ESRRG: variants seen among roughly 807,000 people sequenced by gnomAD.
The protein encoded by ESRRG is estrogen-related receptor gamma.
Under a neutral mutation model 44.0 loss-of-function variants are expected in ESRRG, and 13 were observed. The observed-to-expected ratio is 0.30, with a 90% confidence interval of 0.19 to 0.47. The LOEUF is 0.47. Among genes scored for constraint, ESRRG ranks in the 20% least tolerant of loss-of-function variants. ESRRG has a pLI of 1.00. For missense variants in ESRRG, 395 were observed against 580.6 expected (o/e 0.68, Z 3.29); for synonymous variants, 215 against 214.6 (o/e 1.00, Z -0.02).
intron 1 of ESRRG, among the ~76,000 whole-genome samples, chr1:217,028,046 A>C (rs1376102944): frequency 2.0e-5 from 3 of 152,162 alleles, no homozygotes; most frequent in Non-Finnish European, 4.4e-5. Flanking sequence ...ACAAAAACTC[A>C]AGTGGCGCAC....
intron 1 of ESRRG, among the ~76,000 whole-genome samples, chr1:217,114,418 T>C (rs1000183363): frequency 4.6e-5 from 7 of 152,002 alleles, no homozygotes; most frequent in Non-Finnish European, 7.4e-5. Flanking sequence ...AAAATTAGTT[T>C]TCCCAGATCA....
chr1:216,733,186 G>A (rs1575886851), intron 2 of ESRRG, among the ~76,000 whole-genome samples: 1 of 151,044 alleles, frequency 6.6e-6, no homozygotes, highest in African/African-American at 2.4e-5. Flanking sequence ...TCAAACATTC[G>A]TGTTTTCTTC....
intron 3 of ESRRG, among the ~76,000 whole-genome samples, chr1:216,618,413 T>G (rs1041639055): frequency 1.3e-5 from 2 of 152,184 alleles, no homozygotes; most frequent in Non-Finnish European, 2.9e-5. Context: ...ACTAGGTAGG[T>G]TATACAGGAA....
At chr1:216,793,216 G>A (rs72739424) in intron 2 of ESRRG, among the ~76,000 whole-genome samples, 2,368 of 152,262 alleles carry the variant, frequency 0.016, 23 homozygotes, top group Non-Finnish European at 0.026. Flanking sequence ...TTGGATGGAT[G>A]ACTGGGGTAG....
chr1:216,982,938 A>G (rs2074213639), intron 1 of ESRRG, among the ~76,000 whole-genome samples: 1 of 152,086 alleles, frequency 6.6e-6, no homozygotes, highest in African/African-American at 2.4e-5. Context: ...TCAGATAATT[A>G]TATCTATGAG....
chr1:216,512,952 G>A (rs1183254787), intron 6 of ESRRG, among the ~76,000 whole-genome samples: 1 of 152,146 alleles, frequency 6.6e-6, no homozygotes, highest in African/African-American at 2.4e-5. Flanking sequence ...AAGGAATTCA[G>A]GCCCAGGAGC....
At chr1:216,553,566 T>C (rs558410263) in intron 5 of ESRRG, among the ~76,000 whole-genome samples, 1 of 152,310 alleles carries the variant, frequency 6.6e-6, no homozygotes, top group South Asian at 2.1e-4. Flanking sequence ...AGCAAAGTTA[T>C]GTGATTACTG....
At chr1:216,884,447 A>G (rs1046895846) in intron 2 of ESRRG, among the ~76,000 whole-genome samples, 2 of 152,174 alleles carry the variant, frequency 1.3e-5, no homozygotes, top group African/African-American at 2.4e-5. Context: ...TTTTTAGATC[A>G]ATTTATTTGC....
At chr1:216,622,985 C>T (rs992150927) in intron 3 of ESRRG, among the ~76,000 whole-genome samples, 2 of 151,118 alleles carry the variant, frequency 1.3e-5, no homozygotes, top group African/African-American at 2.4e-5. Flanking sequence ...AATATTCATC[C>T]TTTTTTCCTC....
rs72739423 is a variant in ESRRG at position 216,778,202 on chromosome 1, G to A, written c.-13-100711C>T. Among the ~76,000 whole-genome samples, 220 of 152,068 alleles carry A rather than the reference G, an allele frequency of 1.4e-3. 1 individual carries two copies. Among genetic ancestry groups the A allele is most frequent in the Admixed American group, 3.3e-3 (51 of 15,244 alleles). Reference sequence around the variant, plus strand: ...GTGCTCCTAAGAACTGAGTGGGGAGGGAAGTAGAAAACGGCAGAGGGAGGA... The same window carrying A: ...GTGCTCCTAAGAACTGAGTGGGGAGAGAAGTAGAAAACGGCAGAGGGAGGA... On this transcript the variant is annotated intron_variant, in intron 2 of 7. Transcript: ENST00000359162.
rs1378190187 is a variant in ESRRG at position 216,912,208 on chromosome 1, G to A, written c.-14+27374C>T. On this transcript the variant is annotated intron_variant, in intron 2 of 7. Transcript: ENST00000359162. The stretch of plus-strand genomic sequence containing the variant: ...AAGGAGAGGAGAGGAGAGGAGAGGA[G>A]AGGAGAGGAGAGGAGAGGAGAGGAG... Among the ~76,000 whole-genome samples, 24 of 8,706 alleles carry A rather than the reference G, an allele frequency of 2.8e-3. 1 individual carries two copies. In the Admixed American group the frequency reaches 0.033, roughly 12 times the overall value. 5.7% of individuals were successfully genotyped at this position (8,706 alleles called of 152,430 possible).
chr1:217,037,964 C>T (rs2083202173), intron 1 of ESRRG, among the ~76,000 whole-genome samples: 1 of 152,182 alleles, frequency 6.6e-6, no homozygotes, highest in Non-Finnish European at 1.5e-5. Context: ...CCAGGTCATG[C>T]TGATGCAAAA....
intron 2 of ESRRG, among the ~76,000 whole-genome samples, chr1:216,915,441 G>A (rs4846385): frequency 0.17 from 26,310 of 152,084 alleles, 3,051 homozygotes; most frequent in East Asian, 0.47. Context: ...CTGCAGATGG[G>A]GTGGAGAGGA....
chr1:217,014,053 T>A (rs796232707), intron 1 of ESRRG, among the ~76,000 whole-genome samples: 5 of 152,198 alleles, frequency 3.3e-5, no homozygotes, highest in African/African-American at 1.2e-4. Flanking sequence ...TTCCTGCATC[T>A]GCTTGGAGGA....
intron 2 of ESRRG, among the ~76,000 whole-genome samples, chr1:216,877,414 T>G (rs2096374590): frequency 6.6e-6 from 1 of 151,578 alleles, no homozygotes; most frequent in African/African-American, 2.4e-5. Context: ...TGTTTGTTTG[T>G]TTGTTTTGAG....
At chr1:216,708,688 A>G (rs936715673) in intron 1 of ESRRG, among the ~76,000 whole-genome samples, 1 of 152,214 alleles carries the variant, frequency 6.6e-6, no homozygotes, top group African/African-American at 2.4e-5. Flanking sequence ...TAGAAATACC[A>G]TTTGACCCAG....
chr1:216,675,531 T>A (rs1444825703), intron 2 of ESRRG, among the ~76,000 whole-genome samples: 1 of 152,174 alleles, frequency 6.6e-6, no homozygotes. Context: ...CCACATAAAT[T>A]AGTTTCAGTT....
intron 1 of ESRRG, among the ~76,000 whole-genome samples, chr1:217,100,289 A>G (rs924126381): frequency 1.3e-5 from 2 of 152,216 alleles, no homozygotes; most frequent in African/African-American, 4.8e-5. Context: ...AATATAGTCA[A>G]GATATCTTGT....
intron 1 of ESRRG, among the ~76,000 whole-genome samples, chr1:217,033,822 T>G (rs1196416676): frequency 6.6e-6 from 1 of 152,226 alleles, no homozygotes; most frequent in African/African-American, 2.4e-5. Context: ...GGGTCTTATT[T>G]AATGTTCATA....
Sources: allele counts gnomAD v4.1 joint callset (sites outside exome capture counted in the v4.1 genomes callset), GRCh38; gene constraint gnomAD v4.1.1; transcripts MANE v1.5; gene names NCBI Gene and HGNC (gene_info 2026-07-23, HGNC 2026-07-21).